PALM2AKAP2: variants seen among roughly 807,000 people sequenced by gnomAD.
PALM2AKAP2 encodes the protein PALM2-AKAP2 fusion protein.
A neutral mutation model predicts 71.5 loss-of-function variants in PALM2AKAP2; 37 were observed. That is an observed-to-expected ratio of 0.52 (90% CI 0.40 to 0.68). The LOEUF is 0.68. Ranked by LOEUF, PALM2AKAP2 falls within the 30% of genes least tolerant of loss-of-function variation. The probability of loss-of-function intolerance (pLI) is 0.00; values close to 1 mark genes in which losing one functional copy is unlikely to be tolerated. For synonymous variants in PALM2AKAP2, 468 were observed against 478.8 expected, an observed-to-expected ratio of 0.98 and a Z score of 0.29; for missense variants, 1,224 against 1,191.8, an observed-to-expected ratio of 1.03 and a Z score of -0.40.
At chr9:109,889,851 T>A (rs1350240657) in intron 3 of PALM2AKAP2, among the ~76,000 whole-genome samples, 2 of 152,192 alleles carry the variant, frequency 1.3e-5, no homozygotes, top group Non-Finnish European at 1.5e-5. Flanking sequence ...ACTGAGGCCA[T>A]GTAAGAGCCA....
intron 1 of PALM2AKAP2, among the ~76,000 whole-genome samples, chr9:110,093,167 T>C (rs1003603598): frequency 1.3e-5 from 2 of 152,238 alleles, no homozygotes; most frequent in Non-Finnish European, 2.9e-5. Flanking sequence ...TCTTTGTTTT[T>C]AAATAATTTT....
intron 1 of PALM2AKAP2, among the ~76,000 whole-genome samples, chr9:109,840,012 T>G (rs908080423): frequency 5.9e-5 from 9 of 152,292 alleles, no homozygotes; most frequent in Non-Finnish European, 1.0e-4. Context: ...TGGAAAAAAC[T>G]ATTTTAAAGT....
intron 7 of PALM2AKAP2, among the ~76,000 whole-genome samples, chr9:110,022,886 T>C (rs1404828461): frequency 6.6e-6 from 1 of 152,206 alleles, no homozygotes; most frequent in Non-Finnish European, 1.5e-5. Flanking sequence ...GTTTCATCCA[T>C]GTCCCTACAA....
At chr9:109,944,610 C>A (rs1831458882) in intron 6 of PALM2AKAP2, 1 of 151,998 alleles carries the variant, frequency 6.6e-6, no homozygotes, top group Non-Finnish European at 1.5e-5. Context: ...AAAGACCTAT[C>A]TTCTCAATGT....
intron 1 of PALM2AKAP2, among the ~76,000 whole-genome samples, chr9:109,697,829 C>G (rs548219508): frequency 6.6e-6 from 1 of 152,140 alleles, no homozygotes; most frequent in Non-Finnish European, 1.5e-5. Context: ...TAAATGATCA[C>G]AAATTGCCAT....
chr9:110,113,124 C>A, intron 1 of PALM2AKAP2, among the ~76,000 whole-genome samples: 1 of 152,246 alleles, frequency 6.6e-6, no homozygotes, highest in South Asian at 2.1e-4. Flanking sequence ...GATAAGCCTG[C>A]AGCCTTTGCT....
chr9:110,098,357 T>A (rs991040184), intron 1 of PALM2AKAP2, among the ~76,000 whole-genome samples: 1 of 152,190 alleles, frequency 6.6e-6, no homozygotes, highest in African/African-American at 2.4e-5. Context: ...CTTAAAGCCA[T>A]GTTACCTTTA....
chr9:109,896,411 CA>C (rs1468194732), intron 3 of PALM2AKAP2, among the ~76,000 whole-genome samples: 7 of 152,124 alleles, frequency 4.6e-5, no homozygotes, highest in Non-Finnish European at 8.8e-5. Flanking sequence ...AGCATGACTT[CA>C]TACTGGTGGT....
At chr9:110,152,645 A>C (rs2119196062) in intron 2 of PALM2AKAP2, among the ~76,000 whole-genome samples, 1 of 152,330 alleles carries the variant, frequency 6.6e-6, no homozygotes, top group Non-Finnish European at 1.5e-5. Flanking sequence ...TGCTGTCTGC[A>C]GTGTCCACTA....
chr9:109,792,214 C>A (rs559288775), intron 1 of PALM2AKAP2, among the ~76,000 whole-genome samples: 1 of 152,102 alleles, frequency 6.6e-6, no homozygotes, highest in Non-Finnish European at 1.5e-5. Context: ...TGGATGAACT[C>A]ATCAGTTCTC....
At chr9:109,991,929 C>G (rs1170093193) in intron 6 of PALM2AKAP2, among the ~76,000 whole-genome samples, 1 of 152,190 alleles carries the variant, frequency 6.6e-6, no homozygotes, top group Non-Finnish European at 1.5e-5. Context: ...AAATTAAATT[C>G]TAGCTCAGTG....
At chr9:110,074,201 A>G (rs751708128) in intron 1 of PALM2AKAP2, among the ~76,000 whole-genome samples, 3 of 152,226 alleles carry the variant, frequency 2.0e-5, no homozygotes, top group Non-Finnish European at 4.4e-5. Flanking sequence ...AGAAGTCCCA[A>G]ATTAGCTGGG....
At chr9:110,030,415 A>G (rs1429897478) in intron 7 of PALM2AKAP2, among the ~76,000 whole-genome samples, 2 of 152,218 alleles carry the variant, frequency 1.3e-5, no homozygotes, top group Non-Finnish European at 2.9e-5. Flanking sequence ...TCTGGAGGGT[A>G]AGATTTTAGG....
intron 6 of PALM2AKAP2, among the ~76,000 whole-genome samples, chr9:109,972,391 A>T (rs1050375591): frequency 6.6e-6 from 1 of 152,230 alleles, no homozygotes; most frequent in Non-Finnish European, 1.5e-5. Flanking sequence ...AATCTGAAGG[A>T]CTGTGCCAGC....
upstream of PALM2AKAP2, chr9:109,780,229 C>A: frequency 9.6e-7 from 1 of 1,044,370 alleles, no homozygotes; most frequent in South Asian, 4.5e-5. Context: ...CGGCCGGCGG[C>A]GGCGGCGACC....
exon 2 of PALM2AKAP2, chr9:110,136,690 C>G: frequency 6.2e-7 from 1 of 1,614,216 alleles, no homozygotes; most frequent in Non-Finnish European, 8.5e-7. Flanking sequence ...AGGTGCCTGT[C>G]AGCCCCAGCT....
intron 1 of PALM2AKAP2, among the ~76,000 whole-genome samples, chr9:110,084,986 T>G (rs1431991904): frequency 2.0e-5 from 3 of 152,120 alleles, no homozygotes; most frequent in African/African-American, 2.4e-5. Flanking sequence ...ATGATCTGCC[T>G]GCCTCGGCCT....
intron 1 of PALM2AKAP2, among the ~76,000 whole-genome samples, chr9:109,732,527 C>G (rs531584844): frequency 6.6e-6 from 1 of 152,018 alleles, no homozygotes; most frequent in Non-Finnish European, 1.5e-5. Context: ...GTGGTGGGCA[C>G]GCAAGGTTAG....
chr9:109,665,208 C>T (rs573632474), intron 1 of PALM2AKAP2, among the ~76,000 whole-genome samples: 3 of 152,294 alleles, frequency 2.0e-5, no homozygotes, highest in South Asian at 4.1e-4. Flanking sequence ...AGTCATTCTC[C>T]GTCCATCTTT....
Sources: gnomAD v4.1 joint callset for allele counts (sites outside exome capture counted in the v4.1 genomes callset) on GRCh38, gnomAD v4.1.1 for gene constraint, MANE v1.5 for transcripts, NCBI Gene and HGNC (gene_info 2026-07-23, HGNC 2026-07-21) for gene names.